The following CFTR variants were observed in gnomAD, a reference collection of about 807,000 sequenced individuals.
CFTR encodes cystic fibrosis transmembrane conductance regulator.
In CFTR, 181 loss-of-function variants were observed where a neutral mutation model predicts 171.6. That is an observed-to-expected ratio of 1.05 (90% CI 0.93 to 1.19). The LOEUF (loss-of-function observed/expected upper bound fraction) is 1.19. Among genes scored for constraint, CFTR ranks in the 50% most tolerant of loss-of-function variants. The probability of loss-of-function intolerance (pLI) is 0.00; values close to 1 mark genes in which losing one functional copy is unlikely to be tolerated. For synonymous variants in CFTR, 583 were observed against 608.0 expected (o/e 0.96, Z 0.60); for missense variants, 1,968 against 1,734.7 (o/e 1.13, Z -2.39).
intron 22 of CFTR, chr7:117,628,031 A>G (rs919032762): frequency 9.1e-6 from 3 of 329,862 alleles, no homozygotes; most frequent in Admixed American, 4.5e-5. Flanking sequence ...TTAATAACTA[A>G]AGAAGCCATT....
In CFTR at chr7:117,646,842, G is replaced by A. The variant is rs188522016; in HGVS notation, c.3873+4249G>A. Among the ~76,000 whole-genome samples the A allele has an allele frequency of 3.4e-3, 513 of 152,216 alleles. 2 individuals carry two copies. The highest frequency in any genetic ancestry group is 0.01 in the Middle Eastern group (3 of 294). ...TTTTATTATTTCTGAGCCTAAAAATGTGAAATTTTTGATTATTTGGTCAGA... is the reference window on the plus strand; with the variant it reads ...TTTTATTATTTCTGAGCCTAAAAATATGAAATTTTTGATTATTTGGTCAGA... On this transcript the variant is annotated intron_variant, in intron 23 of 26. Coordinates refer to ENST00000003084, the MANE Select transcript of CFTR (RefSeq NM_000492.4).
At position 117,667,249 on chromosome 7, in the gene CFTR, A is replaced by G; in HGVS notation, c.*141A>G. 1.3e-6 allele frequency: 1 copy of G among 799,826 alleles called. No homozygotes were observed. Among genetic ancestry groups the G allele is most frequent in the Non-Finnish European group, 2.1e-6 (1 of 469,446 alleles). The allele number at this position is 799,826 out of a possible 1,614,324, so 49.5% of individuals were successfully genotyped here. On this transcript the variant is annotated 3_prime_UTR_variant, in exon 27 of 27. Coordinates refer to ENST00000003084, the MANE Select transcript of CFTR (RefSeq NM_000492.4). Reference sequence around the variant, plus strand: ...TGAATTAAGTTTTTTTTTAAAAAAGAAACATTTGGTAAGGGGAATTGAGGA... The same window carrying G: ...TGAATTAAGTTTTTTTTTAAAAAAGGAACATTTGGTAAGGGGAATTGAGGA...
chr7:117,491,463 C>T (rs1443913588), intron 1 of CFTR, among the ~76,000 whole-genome samples: 1 of 151,996 alleles, frequency 6.6e-6, no homozygotes. Context: ...AATTTATTAT[C>T]TTATGGTTTT....
chr7:117,636,688 G>A (rs1489856019), intron 22 of CFTR, among the ~76,000 whole-genome samples: 2 of 151,318 alleles, frequency 1.3e-5, no homozygotes, highest in South Asian at 2.1e-4. Flanking sequence ...TCCATCAAAG[G>A]CATTTTACAT....
intron 11 of CFTR, among the ~76,000 whole-genome samples, chr7:117,582,910 AAGCCTG>A (rs962397912): frequency 2.8e-4 from 42 of 152,222 alleles, no homozygotes; most frequent in African/African-American, 1.0e-3. Flanking sequence ...TGAGTGTGCA[AAGCCTG>A]AGTTCACATG....
intron 2 of CFTR, among the ~76,000 whole-genome samples, chr7:117,506,379 T>G (rs1018871812): frequency 2.0e-5 from 3 of 152,124 alleles, no homozygotes; most frequent in Non-Finnish European, 4.4e-5. Context: ...CTCGAGTAGC[T>G]GGGTTTACAG....
At chr7:117,641,616 C>T (rs1790539433) in intron 22 of CFTR, among the ~76,000 whole-genome samples, 1 of 152,124 alleles carries the variant, frequency 6.6e-6, no homozygotes, top group South Asian at 2.1e-4. Flanking sequence ...TTCTACCTTG[C>T]TCAAAGCACC....
intron 15 of CFTR, among the ~76,000 whole-genome samples, chr7:117,600,171 T>C (rs1792201105): frequency 1.3e-5 from 2 of 152,088 alleles, no homozygotes; most frequent in Admixed American, 1.3e-4. Context: ...TGTTAGCACT[T>C]ACCATTTTGG....
chr7:117,493,870 CA>C (rs1235110964), intron 1 of CFTR, among the ~76,000 whole-genome samples: 1 of 151,780 alleles, frequency 6.6e-6, no homozygotes, highest in Non-Finnish European at 1.5e-5. Flanking sequence ...AGTCTGAATC[CA>C]ATGCCATGAT....
At chr7:117,641,423 A>G (rs1436974170) in intron 22 of CFTR, among the ~76,000 whole-genome samples, 1 of 152,194 alleles carries the variant, frequency 6.6e-6, no homozygotes, top group Non-Finnish European at 1.5e-5. Flanking sequence ...TTAAAAAGAA[A>G]ACAAAACTGT....
At chr7:117,598,370 C>T (rs748673627) in intron 15 of CFTR, among the ~76,000 whole-genome samples, 1 of 152,132 alleles carries the variant, frequency 6.6e-6, no homozygotes, top group Non-Finnish European at 1.5e-5. Context: ...AAAGAACCAC[C>T]TCTCCTAAGG....
chr7:117,605,918 G>A (rs751981762), intron 17 of CFTR, among the ~76,000 whole-genome samples: 1 of 152,148 alleles, frequency 6.6e-6, no homozygotes, highest in Non-Finnish European at 1.5e-5. Flanking sequence ...CACTTTATTT[G>A]TACAGTATTA....
chr7:117,551,754 A>G (rs1246493089), intron 10 of CFTR, among the ~76,000 whole-genome samples: 2 of 152,202 alleles, frequency 1.3e-5, no homozygotes, highest in Non-Finnish European at 2.9e-5. Flanking sequence ...GCATCACTGG[A>G]TGCCCTTGAC....
At chr7:117,538,836 T>C (rs938242544) in intron 7 of CFTR, among the ~76,000 whole-genome samples, 3 of 152,190 alleles carry the variant, frequency 2.0e-5, no homozygotes, top group Admixed American at 2.0e-4. Context: ...GTTACTGAAA[T>C]TGGTAAACAT....
intron 22 of CFTR, among the ~76,000 whole-genome samples, chr7:117,628,875 C>T (rs927776200): frequency 6.6e-6 from 1 of 151,868 alleles, no homozygotes; most frequent in Non-Finnish European, 1.5e-5. Flanking sequence ...TTCCTGGGGT[C>T]GCCAAGATGA....
At chr7:117,591,418 T>C (rs1792021792) in intron 13 of CFTR, among the ~76,000 whole-genome samples, 1 of 152,100 alleles carries the variant, frequency 6.6e-6, no homozygotes, top group Non-Finnish European at 1.5e-5. Flanking sequence ...TATCGAATTC[T>C]CAGTTGTTAT....
intron 11 of CFTR, among the ~76,000 whole-genome samples, chr7:117,580,147 C>A (rs1279147977): frequency 2.0e-5 from 3 of 151,176 alleles, no homozygotes; most frequent in Admixed American, 1.3e-4. Flanking sequence ...ATGGATAGTG[C>A]AAAAGAAAAA....
chr7:117,617,908 C>A (rs1562916937), intron 21 of CFTR, among the ~76,000 whole-genome samples: 1 of 152,110 alleles, frequency 6.6e-6, no homozygotes, highest in Non-Finnish European at 1.5e-5. Context: ...TTCTCCTCAA[C>A]CCATTCTTTC....
chr7:117,643,835 C>G (rs1021683855), intron 23 of CFTR, among the ~76,000 whole-genome samples: 12 of 152,046 alleles, frequency 7.9e-5, no homozygotes, highest in Non-Finnish European at 1.6e-4. Context: ...TTTTATTGTT[C>G]TTGTTCACAC....
Sources: gnomAD v4.1 joint callset for allele counts (sites outside exome capture counted in the v4.1 genomes callset) on GRCh38, gnomAD v4.1.1 for gene constraint, MANE v1.5 for transcripts, NCBI Gene and HGNC (gene_info 2026-07-23, HGNC 2026-07-21) for gene names.